Variants in SDK1 observed in about 807,000 individuals in gnomAD.
The protein encoded by SDK1 is protein sidekick-1.
A neutral mutation model predicts 245.5 loss-of-function variants in SDK1; 157 were observed. That is an observed-to-expected ratio of 0.64 (90% CI 0.56 to 0.73). The LOEUF (loss-of-function observed/expected upper bound fraction) is 0.73. SDK1 is among the 30% of genes least tolerant of loss of function. SDK1 has a pLI of 0.00. For missense variants in SDK1, 3,583 were observed against 3,002.3 expected, an observed-to-expected ratio of 1.19 and a Z score of -4.52; for synonymous variants, 1,647 against 1,278.5, an observed-to-expected ratio of 1.29 and a Z score of -6.15.
chr7:3,417,562 C>T (rs1198191841), intron 1 of SDK1, among the ~76,000 whole-genome samples: 1 of 152,146 alleles, frequency 6.6e-6, no homozygotes, highest in Non-Finnish European at 1.5e-5. Context: ...CTTCAGTGTA[C>T]TAAGGCAAAA....
Position 3,627,614 on chromosome 7 carries a change from C to T in SDK1, c.458+8375C>T, listed in dbSNP as rs549704784. On this transcript the variant is annotated intron_variant, in intron 2 of 44. Coordinates refer to ENST00000404826, the MANE Select transcript of SDK1 (RefSeq NM_152744.4). The stretch of plus-strand genomic sequence containing the variant: ...GCTCAGCATCAGTCTCTGCCGTTGC[C>T]ACGTTTGGCATCTGGCATTGGCAAA... Among the ~76,000 whole-genome samples, 5 of 152,280 alleles carry T rather than the reference C, an allele frequency of 3.3e-5. No homozygotes were observed. The South Asian group carries it at 8.3e-4, about 25-fold the overall frequency.
intron 5 of SDK1, among the ~76,000 whole-genome samples, chr7:3,946,876 G>A (rs1320525153): frequency 1.3e-5 from 2 of 152,168 alleles, no homozygotes; most frequent in East Asian, 1.9e-4. Context: ...AGTACAAAAG[G>A]CTATAAACAG....
At chr7:4,004,914 T>A (rs1785346255) in intron 14 of SDK1, among the ~76,000 whole-genome samples, 1 of 151,920 alleles carries the variant, frequency 6.6e-6, no homozygotes, top group Non-Finnish European at 1.5e-5. Flanking sequence ...TGTGTCTTCA[T>A]CCACAAAACC....
At chr7:3,616,949 C>T (rs545842130) in intron 1 of SDK1, among the ~76,000 whole-genome samples, 94 of 152,282 alleles carry the variant, frequency 6.2e-4, no homozygotes, top group African/African-American at 1.3e-3. Flanking sequence ...AAATATGTGA[C>T]ATTTGGAGTC....
chr7:3,337,461 C>CG (rs1780232217), intron 1 of SDK1, among the ~76,000 whole-genome samples: 1 of 142,310 alleles, frequency 7.0e-6, no homozygotes, highest in African/African-American at 2.6e-5. Flanking sequence ...AGAGTGGGAC[C>CG]AAAAAAAAAA....
intron 5 of SDK1, among the ~76,000 whole-genome samples, chr7:3,916,313 A>G (rs751820762): frequency 5.9e-5 from 9 of 152,234 alleles, no homozygotes; most frequent in African/African-American, 1.2e-4. Flanking sequence ...TACATGAGTT[A>G]AAGTAAACAT....
intron 4 of SDK1, among the ~76,000 whole-genome samples, chr7:3,770,225 T>G (rs1412557166): frequency 6.6e-6 from 1 of 152,158 alleles, no homozygotes; most frequent in Non-Finnish European, 1.5e-5. Context: ...TATGTAACCA[T>G]TTGAGATTAT....
intron 1 of SDK1, among the ~76,000 whole-genome samples, chr7:3,325,968 T>A (rs1010949212): frequency 6.6e-6 from 1 of 152,114 alleles, no homozygotes; most frequent in Non-Finnish European, 1.5e-5. Context: ...TACACTCTCA[T>A]AGGGATAAAG....
At chr7:3,509,280 G>A (rs1254812965) in intron 1 of SDK1, among the ~76,000 whole-genome samples, 1 of 152,050 alleles carries the variant, frequency 6.6e-6, no homozygotes, top group Non-Finnish European at 1.5e-5. Context: ...TGTTTGTGCT[G>A]GATTTCTAAT....
At chr7:4,184,290 G>T (rs1292142677) in intron 35 of SDK1, among the ~76,000 whole-genome samples, 1 of 152,242 alleles carries the variant, frequency 6.6e-6, no homozygotes, top group Non-Finnish European at 1.5e-5. Flanking sequence ...TAAGCGTGCA[G>T]GTCCAAGCGT....
chr7:3,697,171 T>A (rs1329602448), intron 4 of SDK1, among the ~76,000 whole-genome samples: 3 of 152,202 alleles, frequency 2.0e-5, no homozygotes. Flanking sequence ...CCATGCTAGG[T>A]TTGTTTATCT....
chr7:4,170,826 C>G (rs1156365123), intron 32 of SDK1, among the ~76,000 whole-genome samples: 1 of 152,126 alleles, frequency 6.6e-6, no homozygotes, highest in Non-Finnish European at 1.5e-5. Context: ...GGCGGCCCGG[C>G]ATGGGGGAGC....
intron 43 of SDK1, among the ~76,000 whole-genome samples, chr7:4,244,713 G>A (rs1230169342): frequency 1.3e-5 from 2 of 152,224 alleles, no homozygotes; most frequent in African/African-American, 2.4e-5. Context: ...TAATCCAGGT[G>A]TAGATGGGCT....
intron 2 of SDK1, among the ~76,000 whole-genome samples, chr7:3,630,312 G>C (rs1782250783): frequency 6.6e-6 from 1 of 152,134 alleles, no homozygotes; most frequent in African/African-American, 2.4e-5. Flanking sequence ...AAAGAAAGAA[G>C]TAAAACTGTA....
chr7:3,913,510 G>A (rs1049800029), intron 5 of SDK1, among the ~76,000 whole-genome samples: 4 of 151,926 alleles, frequency 2.6e-5, no homozygotes, highest in Non-Finnish European at 2.9e-5. Flanking sequence ...AGCCAGGATG[G>A]TCTCGATCTC....
intron 1 of SDK1, among the ~76,000 whole-genome samples, chr7:3,345,916 T>C (rs746289637): frequency 5.3e-5 from 8 of 152,224 alleles, no homozygotes; most frequent in Non-Finnish European, 1.0e-4. Flanking sequence ...CTGTTGGAAT[T>C]GCAGTGTCAT....
intron 25 of SDK1, among the ~76,000 whole-genome samples, chr7:4,125,280 T>C (rs1316093870): frequency 7.5e-6 from 1 of 134,026 alleles, no homozygotes; most frequent in East Asian, 2.3e-4. Flanking sequence ...TGGATGGATA[T>C]GTAGATGGAT....
At chr7:3,547,573 A>G (rs1779264732) in intron 1 of SDK1, among the ~76,000 whole-genome samples, 1 of 152,232 alleles carries the variant, frequency 6.6e-6, no homozygotes, top group South Asian at 2.1e-4. Context: ...AACTCTTGGC[A>G]TTAAAAAAGG....
intron 13 of SDK1, among the ~76,000 whole-genome samples, chr7:3,983,384 C>A (rs1783567936): frequency 6.6e-6 from 1 of 152,186 alleles, no homozygotes; most frequent in Non-Finnish European, 1.5e-5. Flanking sequence ...CCTATAGCCC[C>A]ACCACTCCGA....
Sources: gnomAD v4.1 joint callset for allele counts (sites outside exome capture counted in the v4.1 genomes callset) on GRCh38, gnomAD v4.1.1 for gene constraint, MANE v1.5 for transcripts, NCBI Gene and HGNC (gene_info 2026-07-23, HGNC 2026-07-21) for gene names.